SDK1: variants seen among roughly 807,000 people sequenced by gnomAD.
SDK1 encodes protein sidekick-1.
Under a neutral mutation model 245.5 loss-of-function variants are expected in SDK1, and 157 were observed. The ratio of observed to expected loss-of-function variants is 0.64; its 90% confidence interval spans 0.56 to 0.73. The LOEUF is 0.73. Ranked by LOEUF, SDK1 falls within the 30% of genes least tolerant of loss-of-function variation. The pLI, the probability that SDK1 is intolerant of heterozygous loss-of-function variation, is 0.00. For missense variants in SDK1, 3,583 were observed against 3,002.3 expected, an observed-to-expected ratio of 1.19 and a Z score of -4.52; for synonymous variants, 1,647 against 1,278.5, an observed-to-expected ratio of 1.29 and a Z score of -6.15.
intron 11 of SDK1, among the ~76,000 whole-genome samples, chr7:3,970,728 G>C (rs1782428201): frequency 6.6e-6 from 1 of 152,178 alleles, no homozygotes; most frequent in African/African-American, 2.4e-5. Flanking sequence ...ACTTTAACCT[G>C]TACAACTATT....
At chr7:3,396,838 C>T (rs997781800) in intron 1 of SDK1, among the ~76,000 whole-genome samples, 2 of 151,522 alleles carry the variant, frequency 1.3e-5, no homozygotes, top group Non-Finnish European at 3.0e-5. Flanking sequence ...TGGTCTAATT[C>T]ATTTATATTT....
At chr7:3,708,203 G>A (rs973281273) in intron 4 of SDK1, among the ~76,000 whole-genome samples, 29 of 152,130 alleles carry the variant, frequency 1.9e-4, no homozygotes, top group Non-Finnish European at 3.1e-4. Flanking sequence ...CAGATCTCAC[G>A]AGAACTCACT....
intron 4 of SDK1, among the ~76,000 whole-genome samples, chr7:3,792,414 G>A (rs886168471): frequency 3.3e-5 from 5 of 151,982 alleles, no homozygotes; most frequent in Admixed American, 1.3e-4. Flanking sequence ...TAAGATCTAC[G>A]TTCTTGAGGG....
At chr7:3,555,411 C>A (rs1334197669) in intron 1 of SDK1, among the ~76,000 whole-genome samples, 1 of 152,142 alleles carries the variant, frequency 6.6e-6, no homozygotes, top group Non-Finnish European at 1.5e-5. Context: ...CTCTATGTCT[C>A]ATCACATACA....
intron 28 of SDK1, among the ~76,000 whole-genome samples, chr7:4,140,778 C>A (rs1245249459): frequency 2.0e-5 from 3 of 152,026 alleles, no homozygotes; most frequent in Non-Finnish European, 4.4e-5. Context: ...ATATAGAGGC[C>A]CCTAATAAGC....
intron 18 of SDK1, among the ~76,000 whole-genome samples, chr7:4,050,893 T>TATATATTATATATAGTATATATA (rs1302707956): frequency 2.8e-5 from 4 of 142,748 alleles, no homozygotes; most frequent in East Asian, 2.0e-4. Context: ...TACCATATAG[T>TATATATTATATATAGTATATATA]ATATATTATA....
intron 1 of SDK1, among the ~76,000 whole-genome samples, chr7:3,542,177 A>C (rs913607382): frequency 6.6e-6 from 1 of 152,220 alleles, no homozygotes; most frequent in African/African-American, 2.4e-5. Context: ...AGATTTTTCT[A>C]ATCTGTAGTA....
chr7:3,876,118 T>C (rs1465806174), intron 5 of SDK1, among the ~76,000 whole-genome samples: 2 of 152,192 alleles, frequency 1.3e-5, no homozygotes, highest in Non-Finnish European at 2.9e-5. Flanking sequence ...GGCACTAGTC[T>C]GCTGTTTCCC....
At position 3,785,240 on chromosome 7, in the gene SDK1, C is replaced by G. The variant is rs1036349267; in HGVS notation, c.714-36210C>G. ...GGTGATGGTCCAAGAGTTAAAAGAT[C>G]TCAGGCAAGAGGAATTTTTTTTTTA... On this transcript the variant is annotated intron_variant, in intron 4 of 44. Transcript: ENST00000404826. Among the ~76,000 whole-genome samples the G allele has an allele frequency of 3.9e-5, 6 of 152,036 alleles. No individual in the cohort carries two copies. The South Asian group carries it at 1.0e-3, about 26-fold the overall frequency.
chr7:3,560,049 A>G (rs111378903), intron 1 of SDK1, among the ~76,000 whole-genome samples: 1,575 of 152,370 alleles, frequency 0.01, 37 homozygotes, highest in African/African-American at 0.036. Flanking sequence ...ACCTGTCATG[A>G]GCACATTTCT....
chr7:3,903,192 A>G (rs185585300), intron 5 of SDK1, among the ~76,000 whole-genome samples: 194 of 149,090 alleles, frequency 1.3e-3, no homozygotes, highest in African/African-American at 4.0e-3. Flanking sequence ...CGCTCAGGCT[A>G]GAGTGCAGTG....
At chr7:4,053,238 G>GT (rs1192328359) in intron 19 of SDK1, among the ~76,000 whole-genome samples, 3 of 151,900 alleles carry the variant, frequency 2.0e-5, no homozygotes, top group Non-Finnish European at 4.4e-5. Context: ...TGCTGCTCCC[G>GT]TTTTTGGACT....
chr7:3,397,315 T>C (rs1778740597), intron 1 of SDK1, among the ~76,000 whole-genome samples: 3 of 152,010 alleles, frequency 2.0e-5, no homozygotes, highest in Admixed American at 6.6e-5. Context: ...TTTTTTCATA[T>C]GGATTTGAAT....
chr7:3,814,008 AT>A lies in SDK1; in HGVS notation c.714-7440del, dbSNP rs1316691580. On this transcript the variant is annotated intron_variant, in intron 4 of 44. Transcript: ENST00000404826. ...TTTGAGTTCATTGTAGATTCTGGAT[AT>A]TAGCCCTTTGTCAGATGAGTAGGTT... Among the ~76,000 whole-genome samples the A allele has an allele frequency of 3.4e-5, 4 of 118,738 alleles. No individual in the cohort carries two copies. In the South Asian group the frequency reaches 9.2e-4, roughly 27 times the overall value. The allele number at this position is 118,738 out of a possible 152,430, so 77.9% of individuals were successfully genotyped here.
At chr7:4,175,886 CCA>C (rs1206408539) in intron 34 of SDK1, 52 bp downstream of exon 34, 8 of 1,514,748 alleles carry the variant, frequency 5.3e-6, no homozygotes, top group Non-Finnish European at 6.4e-6. Flanking sequence ...CACACTGTGC[CCA>C]GAGCCAGCTG....
At chr7:4,169,496 A>G (rs1054996512) in intron 32 of SDK1, among the ~76,000 whole-genome samples, 4 of 152,158 alleles carry the variant, frequency 2.6e-5, no homozygotes, top group African/African-American at 9.7e-5. Context: ...CTCCAAGGGC[A>G]GCTCAAACGC....
intron 1 of SDK1, among the ~76,000 whole-genome samples, chr7:3,372,992 G>T (rs1212585859): frequency 6.6e-6 from 1 of 152,094 alleles, no homozygotes; most frequent in Non-Finnish European, 1.5e-5. Context: ...AAAATCCAGT[G>T]GTTAATTTGA....
intron 32 of SDK1, among the ~76,000 whole-genome samples, chr7:4,169,424 C>T (rs1026403176): frequency 6.6e-6 from 1 of 152,210 alleles, no homozygotes; most frequent in African/African-American, 2.4e-5. Context: ...GGGGCTACAC[C>T]AGGCACTGTG....
intron 5 of SDK1, among the ~76,000 whole-genome samples, chr7:3,919,780 C>G (rs1455714658): frequency 6.6e-6 from 1 of 152,142 alleles, no homozygotes; most frequent in African/African-American, 2.4e-5. Context: ...TTCATTAGGA[C>G]CTGCTACATG....
Sources: allele counts gnomAD v4.1 joint callset (sites outside exome capture counted in the v4.1 genomes callset), GRCh38; gene constraint gnomAD v4.1.1; transcripts MANE v1.5; gene names NCBI Gene and HGNC (gene_info 2026-07-23, HGNC 2026-07-21).